APBB1IP: variants seen among roughly 807,000 people sequenced by gnomAD.
APBB1IP encodes the protein amyloid beta precursor protein binding family B member 1 interacting protein, also known as amyloid beta A4 precursor protein-binding family B member 1-interacting protein.
APBB1IP carries 27 observed loss-of-function variants against 64.9 expected under a neutral mutation model. That is an observed-to-expected ratio of 0.42 (90% CI 0.31 to 0.57). APBB1IP has a LOEUF of 0.57. Ranked by LOEUF, APBB1IP falls within the 20% of genes least tolerant of loss-of-function variation. The pLI is 0.20. For missense variants in APBB1IP, 812 were observed against 845.5 expected (o/e 0.96, Z 0.49); for synonymous variants, 392 against 331.0 (o/e 1.18, Z -2.00).
At chr10:26,442,868 T>C (rs1427155657) in intron 2 of APBB1IP, among the ~76,000 whole-genome samples, 1 of 152,212 alleles carries the variant, frequency 6.6e-6, no homozygotes, top group African/African-American at 2.4e-5. Context: ...AGGAAGCATG[T>C]ACATACATTT....
chr10:26,449,693 A>G (rs1835443319), intron 2 of APBB1IP, among the ~76,000 whole-genome samples: 1 of 152,072 alleles, frequency 6.6e-6, no homozygotes, highest in Non-Finnish European at 1.5e-5. Flanking sequence ...TAGTTGTCAA[A>G]TTTTCTCATC....
chr10:26,503,144 C>T, intron 5 of APBB1IP, 53 bp from the exon 6 acceptor site: 1 of 1,535,388 alleles, frequency 6.5e-7, no homozygotes, highest in South Asian at 1.1e-5. Flanking sequence ...GAAGTGATTA[C>T]TCACTGGTAT....
intron 2 of APBB1IP, among the ~76,000 whole-genome samples, chr10:26,476,469 GAA>G (rs1192112082): frequency 8.1e-6 from 1 of 122,904 alleles, no homozygotes; most frequent in Admixed American, 8.5e-5. Context: ...AAAAAAAGAA[GAA>G]AAGAAAAGAA....
chr10:26,515,173 A>G (rs1775228), intron 8 of APBB1IP, among the ~76,000 whole-genome samples: 32,223 of 151,570 alleles, frequency 0.21, 4,200 homozygotes, highest in African/African-American at 0.36. Context: ...GAGCCACTGC[A>G]CCCAGCCCAA....
At chr10:26,455,638 T>C (rs1835516183) in intron 2 of APBB1IP, among the ~76,000 whole-genome samples, 1 of 152,178 alleles carries the variant, frequency 6.6e-6, no homozygotes, top group South Asian at 2.1e-4. Flanking sequence ...CTTCCCGAAG[T>C]TGAATTTTAC....
At chr10:26,537,875 A>G (rs1836647284) in intron 10 of APBB1IP, among the ~76,000 whole-genome samples, 1 of 150,132 alleles carries the variant, frequency 6.7e-6, no homozygotes, top group African/African-American at 2.5e-5. Context: ...TGGAGGTTGC[A>G]GTGGCCTGAG....
chr10:26,490,994 A>C (rs1835947988), intron 2 of APBB1IP, among the ~76,000 whole-genome samples: 1 of 152,138 alleles, frequency 6.6e-6, no homozygotes, highest in African/African-American at 2.4e-5. Context: ...AAATGTCCTT[A>C]GAGGCTGAGC....
At chr10:26,464,147 C>T (rs1835623868) in intron 2 of APBB1IP, among the ~76,000 whole-genome samples, 1 of 152,188 alleles carries the variant, frequency 6.6e-6, no homozygotes, top group South Asian at 2.1e-4. Context: ...TCAGTATCTA[C>T]AGTCCCTTCT....
intron 4 of APBB1IP, among the ~76,000 whole-genome samples, chr10:26,496,814 T>C (rs1836030886): frequency 6.6e-6 from 1 of 150,700 alleles, no homozygotes. Flanking sequence ...TTTTAATTTA[T>C]ATATAATATA....
chr10:26,536,054 C>T lies in APBB1IP; in HGVS notation c.901-20C>T, dbSNP rs759879262. 46 of 1,568,778 alleles carry T rather than the reference C, an allele frequency of 2.9e-5. No homozygotes were observed. Among genetic ancestry groups the T allele is most frequent in the East Asian group, 6.8e-5 (3 of 44,164 alleles). On this transcript the variant is annotated intron_variant, in intron 9 of 14. Transcript: ENST00000376236. ...TTTATCTTTCGTGTGTGTCTTATGT[C>T]GTCGGAATCTCACTTTCAGGAAAGT...
chr10:26,535,039 G>A (rs11015156), intron 9 of APBB1IP, among the ~76,000 whole-genome samples: 2 of 151,932 alleles, frequency 1.3e-5, no homozygotes, highest in African/African-American at 2.4e-5. Flanking sequence ...CTAAATGAGA[G>A]GATGTTGAGA....
chr10:26,487,825 G>C (rs370444473), intron 2 of APBB1IP, among the ~76,000 whole-genome samples: 9 of 152,120 alleles, frequency 5.9e-5, no homozygotes, highest in African/African-American at 1.2e-4. Flanking sequence ...CAAATTTAAG[G>C]GTTCAGGAGA....
At chr10:26,463,901 A>G (rs948290818) in intron 2 of APBB1IP, among the ~76,000 whole-genome samples, 2 of 151,912 alleles carry the variant, frequency 1.3e-5, no homozygotes, top group Non-Finnish European at 2.9e-5. Context: ...CTTGCCCCCA[A>G]CCCCGGACAG....
chr10:26,492,996 G>A (rs1775247), intron 3 of APBB1IP, among the ~76,000 whole-genome samples: 87,601 of 152,020 alleles, frequency 0.58, 27,176 homozygotes, highest in East Asian at 0.89. Flanking sequence ...ACTGCATAAG[G>A]CAGACACCCC....
At chr10:26,531,159 AC>A (rs1266208189) in intron 8 of APBB1IP, among the ~76,000 whole-genome samples, 1 of 150,660 alleles carries the variant, frequency 6.6e-6, no homozygotes, top group African/African-American at 2.4e-5. Flanking sequence ...ACATTAAAAA[AC>A]CCCATTTCTA....
chr10:26,551,812 A>T (rs541327319), intron 11 of APBB1IP, among the ~76,000 whole-genome samples: 6 of 152,076 alleles, frequency 3.9e-5, no homozygotes, highest in Non-Finnish European at 8.8e-5. Context: ...GACTTTTTCT[A>T]TTGTGTTCAC....
chr10:26,511,804 C>T lies in APBB1IP; in HGVS notation c.589C>T (p.Arg197Trp), dbSNP rs1836263893. The change falls in exon 7 of 15, where the codon CGG (arginine) becomes TGG (tryptophan). Residue 197 changes from arginine (R) to tryptophan (W), a missense_variant. Arg to Trp is a moderately radical substitution (Grantham distance 101). This residue lies in a region of APBB1IP where 394 missense variants were observed against 413.1 expected (regional missense o/e 0.95). Coordinates refer to ENST00000376236, the MANE Select transcript of APBB1IP (RefSeq NM_019043.4). ...NSTKSLMVDE[R>W]QLARDVLDNL... is the part of the protein sequence containing the mutation. The stretch of plus-strand genomic sequence containing the variant: ...CACAAAGTCACTGATGGTGGATGAG[C>T]GGCAGCTGGCCCGAGATGTTCTGGA... 5 of 1,614,154 alleles carry T rather than the reference C, an allele frequency of 3.1e-6. No homozygotes were observed. The highest frequency in any genetic ancestry group is 1.3e-5 in the African/African-American group (1 of 75,036).
At chr10:26,486,721 T>G (rs1835896065) in intron 2 of APBB1IP, among the ~76,000 whole-genome samples, 1 of 152,184 alleles carries the variant, frequency 6.6e-6, no homozygotes, top group Non-Finnish European at 1.5e-5. Flanking sequence ...GCCGTCGATA[T>G]AAACATATGT....
chr10:26,543,271 G>C (rs548493055), intron 11 of APBB1IP, among the ~76,000 whole-genome samples: 11 of 152,042 alleles, frequency 7.2e-5, no homozygotes, highest in African/African-American at 2.4e-4. Context: ...ACTCTAGACC[G>C]TACTGGCCAA....
Sources: allele counts gnomAD v4.1 joint callset (sites outside exome capture counted in the v4.1 genomes callset), GRCh38; gene constraint gnomAD v4.1.1; regional missense constraint gnomAD v4.1.1; transcripts MANE v1.5; gene names NCBI Gene and HGNC (gene_info 2026-07-23, HGNC 2026-07-21).